Variants in CACNA1C observed in about 807,000 individuals in gnomAD.
The protein encoded by CACNA1C is calcium voltage-gated channel subunit alpha1 C, also known as voltage-dependent L-type calcium channel subunit alpha-1C.
In CACNA1C, 30 loss-of-function variants were observed where a neutral mutation model predicts 229.0. That is an observed-to-expected ratio of 0.13 (90% CI 0.10 to 0.18). The LOEUF (loss-of-function observed/expected upper bound fraction) is 0.18, where lower values mean the gene tolerates loss of function less well. CACNA1C is among the 10% of genes least tolerant of loss of function. The pLI, the probability that CACNA1C is intolerant of heterozygous loss-of-function variation, is 1.00. For missense variants in CACNA1C, 1,658 were observed against 2,845.0 expected, an observed-to-expected ratio of 0.58 and a Z score of 9.49; for synonymous variants, 1,114 against 1,132.5, an observed-to-expected ratio of 0.98 and a Z score of 0.33.
chr12:2,450,541 G>C lies in CACNA1C; in HGVS notation c.617+1426G>C, dbSNP rs925969782. On this transcript the variant is annotated intron_variant, in intron 4 of 46. Transcript: ENST00000399655. ...TGCACTCCAGCCTGGGCAACAGAGC[G>C]AGACTCCATCTCAAAAAAAAAAAAA... is the stretch of plus-strand genomic sequence containing the variant. 9.2e-5 allele frequency among the ~76,000 whole-genome samples: 9 copies of C among 98,054 alleles called. No homozygotes were observed. The South Asian group carries it at 2.2e-3, about 24-fold the overall frequency. 64.3% of individuals were successfully genotyped at this position (98,054 alleles called of 152,430 possible). A position where few individuals can be genotyped will look rare whatever the true frequency, so the allele number is the denominator to read the frequency against.
At chr12:2,063,468 C>T (rs961795012) in intron 1 of CACNA1C, among the ~76,000 whole-genome samples, 1 of 152,164 alleles carries the variant, frequency 6.6e-6, no homozygotes, top group Non-Finnish European at 1.5e-5. Context: ...AATAATTCTA[C>T]AGTTGGAGTT....
chr12:2,513,047 T>C, intron 9 of CACNA1C, 63 bp downstream of exon 9: 1 of 1,418,208 alleles, frequency 7.1e-7, no homozygotes, highest in South Asian at 1.3e-5. Flanking sequence ...AGCATCGGGG[T>C]CAGCACAGAA....
rs543080458 is a variant in CACNA1C at position 2,020,270 on chromosome 12, A to G, written c.139+49069A>G. On this transcript the variant is annotated intron_variant, in intron 1 of 46. Coordinates refer to the CACNA1C transcript ENST00000682462. The stretch of plus-strand genomic sequence containing the variant: ...TCGAAACCTCAGAAAAACTCTATAA[A>G]GTGGGTGCTAATATTTTCTAGATTT... 4 of 152,290 alleles carry G rather than the reference A, an allele frequency of 2.6e-5. No homozygotes were observed. In the South Asian group the frequency reaches 8.3e-4, roughly 32 times the overall value. 9.4% of individuals were successfully genotyped at this position (152,290 alleles called of 1,614,324 possible). A position where few individuals can be genotyped will look rare whatever the true frequency, so the allele number is the denominator to read the frequency against.
rs1173995770 is a variant in CACNA1C, at chr12:2,653,803, GC to G, written c.4075-30del. On this transcript the variant is annotated intron_variant, in intron 32 of 46. Transcript: ENST00000399655. This position sits in a 1 kb window ranked among gnomAD's most constrained non-coding sequence, Gnocchi z 4.7. ...GGGCCCAGCTGGCCTCTGCACTCCA[GC>G]CTCATGGGAGTCTCCTGCACTTCCT... 1 of 1,605,468 alleles carries G rather than the reference GC, an allele frequency of 6.2e-7. No individual in the cohort carries two copies. Among genetic ancestry groups the G allele is most frequent in the Non-Finnish European group, 8.5e-7 (1 of 1,172,778 alleles).
intron 3 of CACNA1C, among the ~76,000 whole-genome samples, chr12:2,226,428 T>C (rs985426456): frequency 6.6e-6 from 1 of 152,142 alleles, no homozygotes; most frequent in African/African-American, 2.4e-5. Flanking sequence ...GATTTAGATA[T>C]TCACTGTAAT....
intron 16 of CACNA1C, 43 bp downstream of exon 16, chr12:2,584,660 C>T: frequency 7.6e-7 from 1 of 1,312,286 alleles, no homozygotes; most frequent in East Asian, 2.3e-5. Flanking sequence ...CCAGGGCTCC[C>T]ATTGTGGAAT....
intron 3 of CACNA1C, among the ~76,000 whole-genome samples, chr12:2,310,798 A>G (rs1459273378): frequency 1.3e-5 from 2 of 152,222 alleles, no homozygotes; most frequent in Admixed American, 1.3e-4. Flanking sequence ...TCTGAAGCAC[A>G]TCAGAAGAAC....
At chr12:2,058,666 C>T (rs937221959) in intron 1 of CACNA1C, among the ~76,000 whole-genome samples, 5 of 152,182 alleles carry the variant, frequency 3.3e-5, no homozygotes, top group Non-Finnish European at 7.3e-5. Flanking sequence ...TAGTAAACAC[C>T]TGTTTACATG....
At chr12:2,684,941 G>A (rs2370606) in intron 43 of CACNA1C, among the ~76,000 whole-genome samples, 30 of 152,094 alleles carry the variant, frequency 2.0e-4, no homozygotes, top group South Asian at 8.3e-4. Flanking sequence ...AGGGACCAGT[G>A]AGTCAGTGGT....
intron 3 of CACNA1C, among the ~76,000 whole-genome samples, chr12:2,365,968 A>G (rs951512242): frequency 6.6e-6 from 1 of 152,228 alleles, no homozygotes; most frequent in East Asian, 1.9e-4. Context: ...ACATATGAAA[A>G]TATGCAAGGT....
chr12:2,275,445 C>T lies in CACNA1C; in HGVS notation c.477+155015C>T, dbSNP rs189109407. On this transcript the variant is annotated intron_variant, in intron 3 of 46. Transcript: ENST00000399655. This position sits in a 1 kb window ranked among gnomAD's most constrained non-coding sequence, Gnocchi z 4.1. Reference sequence around the variant, plus strand: ...TGAGCCCGCCAGCTGTACCGCATCGCTCTGTGCATGTGACCTAGCTCTCTC... The same window carrying T: ...TGAGCCCGCCAGCTGTACCGCATCGTTCTGTGCATGTGACCTAGCTCTCTC... Among the ~76,000 whole-genome samples, 1 of 152,298 alleles carries T rather than the reference C, an allele frequency of 6.6e-6. No homozygotes were observed. The highest frequency in any genetic ancestry group is 1.5e-5 in the Non-Finnish European group (1 of 68,020).
At chr12:2,293,436 A>G (rs377052356) in intron 3 of CACNA1C, among the ~76,000 whole-genome samples, 261 of 152,322 alleles carry the variant, frequency 1.7e-3, no homozygotes, top group Non-Finnish European at 3.1e-3. Context: ...CTGTGACTCC[A>G]TGAATGCCTC....
chr12:2,029,481 A>AT lies in CACNA1C; in HGVS notation c.139+58283dup, dbSNP rs1268241537. ...ACCGCTCTGCTTTCTGTCTCCGTGG[A>AT]TTTACCTATTCTGTATTTTTCACAG... On this transcript the variant is annotated intron_variant, in intron 1 of 46. Coordinates refer to the CACNA1C transcript ENST00000682462. This position sits in a 1 kb window ranked among gnomAD's most constrained non-coding sequence, Gnocchi z 4.9. Among the ~76,000 whole-genome samples, 1 of 152,098 alleles carries AT rather than the reference A, an allele frequency of 6.6e-6. No individual in the cohort carries two copies. Among genetic ancestry groups the AT allele is most frequent in the Non-Finnish European group, 1.5e-5 (1 of 68,016 alleles).
At chr12:2,064,235 G>C (rs551007094) in intron 1 of CACNA1C, among the ~76,000 whole-genome samples, 9 of 152,194 alleles carry the variant, frequency 5.9e-5, no homozygotes, top group African/African-American at 2.2e-4. Flanking sequence ...ACCTGGCTTC[G>C]TAACTCAACA....
chr12:2,177,878 C>T (rs954037056), intron 3 of CACNA1C, among the ~76,000 whole-genome samples: 1 of 151,922 alleles, frequency 6.6e-6, no homozygotes, highest in African/African-American at 2.4e-5. Flanking sequence ...CTCGGGTGAT[C>T]CATCCGCCTC....
chr12:1,990,342 A>T (rs537919834), intron 1 of CACNA1C, among the ~76,000 whole-genome samples: 1 of 152,360 alleles, frequency 6.6e-6, no homozygotes, highest in East Asian at 1.9e-4. Context: ...AAGTTCATAC[A>T]GGTCAAACCC....
Position 2,479,100 on chromosome 12 carries a change from G to A in CACNA1C, c.758-7004G>A, listed in dbSNP as rs570255544. On this transcript the variant is annotated intron_variant, in intron 5 of 46. Coordinates refer to ENST00000399655, the MANE Select transcript of CACNA1C (RefSeq NM_000719.7). This position sits in a 1 kb window ranked among gnomAD's most constrained non-coding sequence, Gnocchi z 4.3. ...TCTACATTTTCTTAGAATCTGCATC[G>A]CAAATCCAAGGATAGTGAGGTTCAA... 6.6e-6 allele frequency among the ~76,000 whole-genome samples: 1 copy of A among 152,030 alleles called. No homozygotes were observed. The highest frequency in any genetic ancestry group is 1.5e-5 in the Non-Finnish European group (1 of 68,022).
intron 3 of CACNA1C, among the ~76,000 whole-genome samples, chr12:2,360,845 T>C (rs2154530736): frequency 6.6e-6 from 1 of 152,272 alleles, no homozygotes; most frequent in South Asian, 2.1e-4. Flanking sequence ...GTTTTTTTTT[T>C]CTTTGCATAA....
intron 1 of CACNA1C, among the ~76,000 whole-genome samples, chr12:2,103,425 A>AT (rs1006819018): frequency 1.2e-4 from 18 of 150,580 alleles, no homozygotes; most frequent in African/African-American, 2.9e-4. Context: ...TTTTGATGGG[A>AT]TTTTTTTTTC....
Sources: gnomAD v4.1 joint callset for allele counts (sites outside exome capture counted in the v4.1 genomes callset) on GRCh38, gnomAD v4.1.1 for gene constraint, Gnocchi (gnomAD v3.1) non-coding constraint, MANE v1.5 for transcripts, NCBI Gene and HGNC (gene_info 2026-07-23, HGNC 2026-07-21) for gene names.